ERC2: variants seen among roughly 807,000 people sequenced by gnomAD.
ERC2 encodes the protein ELKS/RAB6-interacting/CAST family member 2.
A neutral mutation model predicts 114.8 loss-of-function variants in ERC2; 42 were observed. The observed-to-expected ratio is 0.37, with a 90% CI of 0.29 to 0.47. The LOEUF is 0.47. ERC2 is among the 20% of genes least tolerant of loss of function. ERC2 has a pLI of 0.99. For missense variants in ERC2, 939 were observed against 1,150.7 expected, an observed-to-expected ratio of 0.82 and a Z score of 2.66; for synonymous variants, 454 against 425.5, an observed-to-expected ratio of 1.07 and a Z score of -0.82.
At chr3:56,110,285 T>C (rs2078891186) in intron 6 of ERC2, among the ~76,000 whole-genome samples, 1 of 152,144 alleles carries the variant, frequency 6.6e-6, no homozygotes, top group Admixed American at 6.6e-5. Context: ...GCACAGAATA[T>C]GCCATAAAAG....
Position 55,699,484 on chromosome 3 carries a change from T to A in ERC2, c.2741A>T (p.Asp914Val). ...ATGGTGATGGTCATCATCATAGTTGTCTGCCATCAACTTCATTCTGTTCTG... is the reference window on the plus strand; with the variant it reads ...ATGGTGATGGTCATCATCATAGTTGACTGCCATCAACTTCATTCTGTTCTG... ...QTQNRMKLMADNYDDDHHHYH... is the reference protein window; with the variant it reads ...QTQNRMKLMAVNYDDDHHHYH... The change falls in exon 16 of 18, where the codon GAC (aspartate) becomes GTC (valine). Residue 914 changes from aspartate (D) to valine (V), a missense_variant. This residue lies in a region of ERC2 where 328 missense variants were observed against 353.9 expected (regional missense o/e 0.93). Coordinates refer to ENST00000288221, the MANE Select transcript of ERC2 (RefSeq NM_015576.3). 1 of 1,613,190 alleles carries A rather than the reference T, an allele frequency of 6.2e-7. No homozygotes were observed. Among genetic ancestry groups the A allele is most frequent in the Non-Finnish European group, 8.5e-7 (1 of 1,179,342 alleles).
intron 2 of ERC2, among the ~76,000 whole-genome samples, chr3:56,362,926 T>A (rs1353150022): frequency 6.6e-6 from 1 of 152,220 alleles, no homozygotes; most frequent in Non-Finnish European, 1.5e-5. Flanking sequence ...GGCAGACCCA[T>A]CAATTGAGGA....
chr3:56,121,794 C>T (rs148449544), intron 6 of ERC2, among the ~76,000 whole-genome samples: 145 of 152,202 alleles, frequency 9.5e-4, no homozygotes, highest in African/African-American at 3.3e-3. Context: ...TAAACATGGG[C>T]GTTTTCTTCA....
intron 14 of ERC2, among the ~76,000 whole-genome samples, chr3:55,736,804 A>G (rs1039457619): frequency 6.6e-6 from 1 of 152,220 alleles, no homozygotes; most frequent in East Asian, 1.9e-4. Context: ...AAAGTTTTAA[A>G]GTTGCCTCCT....
chr3:55,950,355 C>T, intron 13 of ERC2, 70 bp downstream of exon 13: 2 of 1,572,090 alleles, frequency 1.3e-6, no homozygotes, highest in Non-Finnish European at 1.7e-6. Context: ...TTTTCTGGCA[C>T]CAATGGTGAC....
rs114658535 is a variant in ERC2, at chr3:56,123,539, C to T, written c.1473+15970G>A. Among the ~76,000 whole-genome samples, 775 of 152,092 alleles carry T rather than the reference C, an allele frequency of 5.1e-3. 8 individuals carry two copies. The highest frequency in any genetic ancestry group is 0.018 in the African/African-American group (745 of 41,510). On this transcript the variant is annotated intron_variant, in intron 6 of 17. Transcript: ENST00000288221. ...AAGGGACTGTGTAGACACTATCCTT[C>T]CGAAACATATAACAAAATCATTCTC...
chr3:55,905,227 T>G (rs976712088), intron 13 of ERC2, among the ~76,000 whole-genome samples: 1 of 152,138 alleles, frequency 6.6e-6, no homozygotes, highest in Non-Finnish European at 1.5e-5. Context: ...ACCACAGGCA[T>G]GCACCATCAC....
intron 2 of ERC2, among the ~76,000 whole-genome samples, chr3:56,417,302 ATTTATCGTTTCCATCT>A (rs1226325875): frequency 6.6e-6 from 1 of 152,184 alleles, no homozygotes; most frequent in East Asian, 1.9e-4. Context: ...ATGATAGTGA[ATTTATCGTTTCCATCT>A]CATGCCGTGG....
At chr3:55,885,751 T>G (rs2149314402) in intron 14 of ERC2, among the ~76,000 whole-genome samples, 2 of 152,360 alleles carry the variant, frequency 1.3e-5, no homozygotes, top group South Asian at 4.1e-4. Flanking sequence ...CATTGGCTGA[T>G]AGTGCCATTT....
intron 2 of ERC2, among the ~76,000 whole-genome samples, chr3:56,350,728 G>T (rs2058522421): frequency 6.6e-6 from 1 of 152,098 alleles, no homozygotes; most frequent in African/African-American, 2.4e-5. Flanking sequence ...AAAAAGGAGA[G>T]CATGGAAACA....
chr3:56,190,498 A>C (rs2083916485), intron 3 of ERC2, among the ~76,000 whole-genome samples: 10 of 152,128 alleles, frequency 6.6e-5, no homozygotes, highest in Admixed American at 6.5e-4. Context: ...CAGTGGTGCA[A>C]TCATAGCTCA....
intron 17 of ERC2, among the ~76,000 whole-genome samples, chr3:55,543,151 C>T (rs919760223): frequency 1.3e-5 from 2 of 152,132 alleles, no homozygotes; most frequent in African/African-American, 4.8e-5. Context: ...CATCAGACCT[C>T]GTCTCTGGGG....
chr3:55,787,000 A>C (rs1484348960), intron 14 of ERC2, among the ~76,000 whole-genome samples: 1 of 152,226 alleles, frequency 6.6e-6, no homozygotes, highest in Non-Finnish European at 1.5e-5. Context: ...TGCATTATGA[A>C]CTGTGGGACA....
chr3:55,878,018 G>C (rs922626087), intron 14 of ERC2, among the ~76,000 whole-genome samples: 3 of 152,142 alleles, frequency 2.0e-5, no homozygotes, highest in Non-Finnish European at 4.4e-5. Context: ...TGTTTTAGGA[G>C]GTTGGAAGGC....
chr3:56,302,390 T>C (rs968217886), intron 2 of ERC2, among the ~76,000 whole-genome samples: 3 of 152,200 alleles, frequency 2.0e-5, no homozygotes, highest in Non-Finnish European at 4.4e-5. Flanking sequence ...TCCTATCCAG[T>C]AGTTAAATCA....
intron 3 of ERC2, among the ~76,000 whole-genome samples, chr3:56,177,880 G>A (rs748625975): frequency 2.6e-4 from 40 of 152,250 alleles, no homozygotes; most frequent in Admixed American, 3.3e-4. Flanking sequence ...GGTATTTCTA[G>A]TCCCACCTAT....
chr3:56,173,434 C>T lies in ERC2; in HGVS notation c.1149+12G>A, dbSNP rs1240466067. 2 of 1,612,718 alleles carry T rather than the reference C, an allele frequency of 1.2e-6. No individual in the cohort carries two copies. Among genetic ancestry groups the T allele is most frequent in the Non-Finnish European group, 8.5e-7 (1 of 1,178,912 alleles). On this transcript the variant is annotated intron_variant, in intron 4 of 17. Transcript: ENST00000288221. ...GGCATAACTGTTTCTGACAAAAGTG[C>T]ACAGTTCCTACCTTCATTTCGATGA...
At chr3:56,085,058 T>C (rs2077434834) in intron 6 of ERC2, among the ~76,000 whole-genome samples, 1 of 152,102 alleles carries the variant, frequency 6.6e-6, no homozygotes, top group South Asian at 2.1e-4. Context: ...TCTCCATCTA[T>C]AAAACCAAGA....
intron 1 of ERC2, among the ~76,000 whole-genome samples, chr3:56,456,987 G>A (rs1457467582): frequency 1.3e-5 from 2 of 152,146 alleles, no homozygotes; most frequent in African/African-American, 2.4e-5. Flanking sequence ...CACTATGCAC[G>A]GGATATTGAA....
Sources: allele counts gnomAD v4.1 joint callset (sites outside exome capture counted in the v4.1 genomes callset), GRCh38; gene constraint gnomAD v4.1.1; regional missense constraint gnomAD v4.1.1; transcripts MANE v1.5; gene names NCBI Gene and HGNC (gene_info 2026-07-23, HGNC 2026-07-21).